NUS1: variants seen among roughly 807,000 people sequenced by gnomAD.
NUS1 encodes the protein dehydrodolichyl diphosphate synthase complex subunit NUS1.
For missense variants in NUS1, 292 were observed against 382.9 expected, an observed-to-expected ratio of 0.76 and a Z score of 1.98; for synonymous variants, 135 against 155.2, an observed-to-expected ratio of 0.87 and a Z score of 0.97.
intron 3 of NUS1, among the ~76,000 whole-genome samples, chr6:117,698,339 C>G (rs1391471933): frequency 6.6e-6 from 1 of 152,016 alleles, no homozygotes; most frequent in African/African-American, 2.4e-5. Flanking sequence ...AAAGGAGATA[C>G]TGCAACTGAT....
At chr6:117,686,865 T>TGC (rs1178529504) in intron 1 of NUS1, among the ~76,000 whole-genome samples, 1 of 141,906 alleles carries the variant, frequency 7.0e-6, no homozygotes, top group Non-Finnish European at 1.5e-5. Flanking sequence ...TGTGTGTGTG[T>TGC]GTGTGTGTGT....
chr6:117,703,992 G>A (rs1355437370), intron 4 of NUS1, among the ~76,000 whole-genome samples: 1 of 152,092 alleles, frequency 6.6e-6, no homozygotes, highest in Non-Finnish European at 1.5e-5. Flanking sequence ...AAAATGGGTA[G>A]TTTTCTTATT....
In NUS1 at chr6:117,704,492, A is replaced by C. The variant is rs115729774; in HGVS notation, c.791+788A>C. On this transcript the variant is annotated intron_variant, in intron 4 of 4. Coordinates refer to ENST00000368494, the MANE Select transcript of NUS1 (RefSeq NM_138459.5). ...TATGCAACTCTGCTGCTATAGCTAA[A>C]CAACCATGGATGATATGTAAACAAG... 9.1e-3 allele frequency among the ~76,000 whole-genome samples: 1,379 copies of C among 152,310 alleles called. 19 individuals are homozygous for C. Among genetic ancestry groups the C allele is most frequent in the African/African-American group, 0.031 (1,309 of 41,566 alleles).
At chr6:117,696,977 G>A (rs928671757) in intron 3 of NUS1, among the ~76,000 whole-genome samples, 1 of 151,984 alleles carries the variant, frequency 6.6e-6, no homozygotes, top group African/African-American at 2.4e-5. Context: ...AGTACAATAA[G>A]ATACAAATAA....
At chr6:117,693,685 C>T (rs543360573) in intron 2 of NUS1, among the ~76,000 whole-genome samples, 7 of 152,222 alleles carry the variant, frequency 4.6e-5, no homozygotes, top group East Asian at 1.9e-4. Flanking sequence ...TTACTGCTAA[C>T]GATATCGCAA....
chr6:117,688,483 G>A (rs1339367479), intron 1 of NUS1, among the ~76,000 whole-genome samples: 5 of 151,562 alleles, frequency 3.3e-5, no homozygotes, highest in African/African-American at 1.2e-4. Context: ...CCACTTTATA[G>A]CAATTACAAT....
chr6:117,682,033 C>T (rs1773068922), intron 1 of NUS1, among the ~76,000 whole-genome samples: 1 of 152,080 alleles, frequency 6.6e-6, no homozygotes, highest in African/African-American at 2.4e-5. Flanking sequence ...GGGGTTTCAC[C>T]ATGTTGGCCA....
intron 3 of NUS1, among the ~76,000 whole-genome samples, chr6:117,697,728 A>G (rs1773341513): frequency 6.6e-6 from 1 of 152,058 alleles, no homozygotes; most frequent in South Asian, 2.1e-4. Flanking sequence ...AGACTTCAAC[A>G]CCCCACTTTC....
chr6:117,683,737 C>T (rs953368193), intron 1 of NUS1, among the ~76,000 whole-genome samples: 3 of 152,130 alleles, frequency 2.0e-5, no homozygotes, highest in Middle Eastern at 3.5e-3. Context: ...AGTAAAAATT[C>T]CAGTTTCAGA....
At chr6:117,696,074 A>G (rs763144002) in intron 3 of NUS1, among the ~76,000 whole-genome samples, 1 of 152,070 alleles carries the variant, frequency 6.6e-6, no homozygotes, top group Non-Finnish European at 1.5e-5. Context: ...TATCAGATAA[A>G]TTTAACAAAG....
intron 1 of NUS1, among the ~76,000 whole-genome samples, chr6:117,684,304 C>T (rs2114680521): frequency 6.6e-6 from 1 of 152,324 alleles, no homozygotes; most frequent in Admixed American, 6.5e-5. Context: ...CTGATATCTC[C>T]CATAATTCCA....
intron 1 of NUS1, among the ~76,000 whole-genome samples, chr6:117,690,911 C>T (rs1380444282): frequency 1.6e-5 from 2 of 127,878 alleles, no homozygotes; most frequent in South Asian, 2.6e-4. Flanking sequence ...ACCCAGGAGG[C>T]GGAGGTTGCA....
chr6:117,686,450 A>C (rs1773142317), intron 1 of NUS1, among the ~76,000 whole-genome samples: 1 of 152,172 alleles, frequency 6.6e-6, no homozygotes, highest in Admixed American at 6.5e-5. Context: ...GGATACCTGG[A>C]TTTCAGGCCA....
intron 1 of NUS1, among the ~76,000 whole-genome samples, chr6:117,681,676 T>A (rs1304781734): frequency 6.6e-6 from 1 of 152,236 alleles, no homozygotes; most frequent in Non-Finnish European, 1.5e-5. Flanking sequence ...CTAGTGTTTA[T>A]CTTCCCTCAT....
rs996262310 is a variant in NUS1 at position 117,682,869 on chromosome 6, T to C, written c.415+6784T>C. On this transcript the variant is annotated intron_variant, in intron 1 of 4. Transcript: ENST00000368494. ...GACAGTAGTCACTTTTAGTACTGTTTCTGATTCTTTTGGGTCATCTTCAAG... is the reference window on the plus strand; with the variant it reads ...GACAGTAGTCACTTTTAGTACTGTTCCTGATTCTTTTGGGTCATCTTCAAG... 3.3e-5 allele frequency among the ~76,000 whole-genome samples: 5 copies of C among 152,362 alleles called. No homozygotes were observed. The South Asian group carries it at 1.0e-3, about 32-fold the overall frequency.
rs1040149147 is a variant in NUS1, at chr6:117,693,373, A to AT, written c.541+212dup. On this transcript the variant is annotated intron_variant, in intron 2 of 4. Transcript: ENST00000368494. ...ATAAGGATTTTATTTAACCAGGCAA[A>AT]TTTTTTAACTGGTTCCACAGAGAAT... is the stretch of plus-strand genomic sequence containing the variant. 1.8e-3 allele frequency among the ~76,000 whole-genome samples: 281 copies of AT among 152,230 alleles called. 1 individual carries two copies. Among genetic ancestry groups the AT allele is most frequent in the African/African-American group, 6.3e-3 (261 of 41,576 alleles).
In NUS1 at chr6:117,675,604, G is replaced by A. The variant is rs1772958240; in HGVS notation, c.-67G>A. ...GATGGCCCGCGCCGGCCGCAGGGGC[G>A]GATAAAAAGCCGTCGCGCTGCGGGA... On this transcript the variant is annotated 5_prime_UTR_variant, in exon 1 of 5. Coordinates refer to ENST00000368494, the MANE Select transcript of NUS1 (RefSeq NM_138459.5). 2.1e-6 allele frequency: 3 copies of A among 1,425,234 alleles called. No individual in the cohort carries two copies. The highest frequency in any genetic ancestry group is 2.5e-5 in the South Asian group (2 of 79,428). 88.3% of individuals were successfully genotyped at this position (1,425,234 alleles called of 1,614,324 possible).
At chr6:117,684,905 A>C (rs3924604) in intron 1 of NUS1, among the ~76,000 whole-genome samples, 64,000 of 152,168 alleles carry the variant, frequency 0.42, 16,963 homozygotes, top group Non-Finnish European at 0.6. Flanking sequence ...AAAAAGCAGG[A>C]TACAAATTGC....
intron 1 of NUS1, among the ~76,000 whole-genome samples, chr6:117,687,915 A>T (rs921124154): frequency 7.9e-5 from 12 of 152,194 alleles, no homozygotes; most frequent in Admixed American, 2.0e-4. Flanking sequence ...GAAGTTGCTT[A>T]TAATATTATA....
Sources: gnomAD v4.1 joint callset for allele counts (sites outside exome capture counted in the v4.1 genomes callset) on GRCh38, gnomAD v4.1.1 for gene constraint, MANE v1.5 for transcripts, NCBI Gene and HGNC (gene_info 2026-07-23, HGNC 2026-07-21) for gene names.